TMTC2: variants seen among roughly 807,000 people sequenced by gnomAD.
TMTC2 encodes the protein transmembrane O-mannosyltransferase targeting cadherins 2.
A neutral mutation model predicts 82.4 loss-of-function variants in TMTC2; 43 were observed. The observed-to-expected ratio is 0.52, with a 90% CI of 0.41 to 0.67. The LOEUF (loss-of-function observed/expected upper bound fraction) is 0.67, where lower values mean the gene tolerates loss of function less well. Among genes scored for constraint, TMTC2 ranks in the 30% least tolerant of loss-of-function variants. The pLI, the probability that TMTC2 is intolerant of heterozygous loss-of-function variation, is 0.00. For missense variants in TMTC2, 919 were observed against 1,012.4 expected (o/e 0.91, Z 1.25); for synonymous variants, 408 against 381.9 (o/e 1.07, Z -0.80).
intron 10 of TMTC2, among the ~76,000 whole-genome samples, chr12:83,059,668 A>G (rs1049631139): frequency 6.6e-6 from 1 of 151,808 alleles, no homozygotes; most frequent in Non-Finnish European, 1.5e-5. Context: ...GCACTGAATA[A>G]TACGAAGACT....
intron 11 of TMTC2, among the ~76,000 whole-genome samples, chr12:83,121,548 G>C (rs1368702916): frequency 6.6e-6 from 1 of 152,112 alleles, no homozygotes; most frequent in East Asian, 1.9e-4. Flanking sequence ...ACCTGTTCTG[G>C]TGGAGGTGGC....
intron 11 of TMTC2, among the ~76,000 whole-genome samples, chr12:83,069,767 G>A (rs1883042600): frequency 6.6e-6 from 1 of 151,322 alleles, no homozygotes; most frequent in Admixed American, 6.6e-5. Flanking sequence ...TGAAATCCTT[G>A]CCTAGAAGGG....
At chr12:83,042,454 A>T (rs1390468570) in intron 9 of TMTC2, among the ~76,000 whole-genome samples, 1 of 152,132 alleles carries the variant, frequency 6.6e-6, no homozygotes, top group East Asian at 1.9e-4. Flanking sequence ...AACCCTGAAG[A>T]TAGTTTGAAG....
intron 1 of TMTC2, among the ~76,000 whole-genome samples, chr12:82,751,263 C>T (rs1318653865): frequency 6.6e-6 from 1 of 152,010 alleles, no homozygotes; most frequent in African/African-American, 2.4e-5. Context: ...TGGAAATTAT[C>T]ATTCTCAGTA....
chr12:83,045,752 C>CACACACACACACACACACACACAA (rs3223367), intron 9 of TMTC2, among the ~76,000 whole-genome samples: 2 of 149,220 alleles, frequency 1.3e-5, no homozygotes, highest in Admixed American at 6.7e-5. Flanking sequence ...CACACACACA[C>CACACACACACACACACACACACAA]CAGGAGTGTC....
intron 1 of TMTC2, among the ~76,000 whole-genome samples, chr12:82,732,509 A>AT (rs1485873734): frequency 6.6e-6 from 1 of 151,846 alleles, no homozygotes; most frequent in African/African-American, 2.4e-5. Flanking sequence ...CGCTTGGCTA[A>AT]TTTTTTTGTA....
chr12:82,756,025 A>G (rs1052260381), intron 1 of TMTC2, among the ~76,000 whole-genome samples: 1 of 152,146 alleles, frequency 6.6e-6, no homozygotes, highest in African/African-American at 2.4e-5. Context: ...AAATAAGTTG[A>G]AGGAACATTT....
At chr12:83,121,920 T>C (rs1440639020) in intron 11 of TMTC2, among the ~76,000 whole-genome samples, 2 of 152,154 alleles carry the variant, frequency 1.3e-5, no homozygotes. Flanking sequence ...ATGCAGGTTG[T>C]CAGGGAAGTG....
intron 8 of TMTC2, among the ~76,000 whole-genome samples, chr12:83,003,910 T>A (rs913654012): frequency 1.3e-5 from 2 of 152,264 alleles, no homozygotes; most frequent in East Asian, 3.9e-4. Flanking sequence ...TGTTGACCTC[T>A]CTAGTAAGAT....
intron 1 of TMTC2, among the ~76,000 whole-genome samples, chr12:82,695,585 T>C (rs1872750358): frequency 1.3e-5 from 2 of 152,230 alleles, no homozygotes; most frequent in African/African-American, 4.8e-5. Context: ...GCATGTCTGC[T>C]CAGTTTTCTT....
intron 1 of TMTC2, among the ~76,000 whole-genome samples, chr12:82,719,552 A>G (rs1430440681): frequency 3.3e-5 from 5 of 152,186 alleles, no homozygotes; most frequent in African/African-American, 9.6e-5. Context: ...TGAAAATATC[A>G]TGCAACACAG....
At chr12:82,851,724 A>C (rs936507828) in intron 1 of TMTC2, among the ~76,000 whole-genome samples, 2 of 152,130 alleles carry the variant, frequency 1.3e-5, no homozygotes, top group Admixed American at 1.3e-4. Flanking sequence ...ATTTCAACCT[A>C]CTGTTATTTA....
chr12:82,783,695 A>G (rs1878024455), intron 1 of TMTC2, among the ~76,000 whole-genome samples: 1 of 152,060 alleles, frequency 6.6e-6, no homozygotes, highest in Non-Finnish European at 1.5e-5. Flanking sequence ...TTCATGAAGA[A>G]TTTAGCTTAC....
chr12:82,862,828 C>A lies in TMTC2; in HGVS notation c.654+5248C>A, dbSNP rs78169374. ...ATAGTGTTCAGATCAAAACTAACAA[C>A]CCCATATTTCCAAACCATTTATAGT... On this transcript the variant is annotated intron_variant, in intron 2 of 11. Coordinates refer to ENST00000321196, the MANE Select transcript of TMTC2 (RefSeq NM_152588.3). 6.3e-3 allele frequency among the ~76,000 whole-genome samples: 966 copies of A among 152,264 alleles called. 12 individuals are homozygous for A. Among genetic ancestry groups the A allele is most frequent in the African/African-American group, 0.022 (916 of 41,552 alleles).
chr12:82,750,554 T>A (rs1006553996), intron 1 of TMTC2, among the ~76,000 whole-genome samples: 5 of 152,148 alleles, frequency 3.3e-5, no homozygotes, highest in African/African-American at 4.8e-5. Flanking sequence ...GAGGTTTTTT[T>A]AAAAACCTAA....
chr12:82,984,424 A>G (rs182624830), intron 7 of TMTC2, among the ~76,000 whole-genome samples: 2 of 152,192 alleles, frequency 1.3e-5, no homozygotes, highest in African/African-American at 4.8e-5. Flanking sequence ...AATTCACTTC[A>G]TCAAACATAT....
chr12:83,063,852 A>G (rs1400709501), intron 11 of TMTC2, among the ~76,000 whole-genome samples: 5 of 151,872 alleles, frequency 3.3e-5, no homozygotes, highest in Non-Finnish European at 7.4e-5. Flanking sequence ...AGTGCTTTGG[A>G]GAAAGCTGGA....
intron 3 of TMTC2, among the ~76,000 whole-genome samples, chr12:82,925,452 T>C (rs1875644806): frequency 6.6e-6 from 1 of 152,194 alleles, no homozygotes; most frequent in African/African-American, 2.4e-5. Context: ...GTATTCTAGG[T>C]ATAGCGACAG....
intron 1 of TMTC2, among the ~76,000 whole-genome samples, chr12:82,790,550 C>G (rs559620617): frequency 6.6e-6 from 1 of 151,964 alleles, no homozygotes; most frequent in East Asian, 1.9e-4. Flanking sequence ...TTCTTGTGGC[C>G]GGGCGCGGTG....
Sources: gnomAD v4.1 joint callset for allele counts (sites outside exome capture counted in the v4.1 genomes callset) on GRCh38, gnomAD v4.1.1 for gene constraint, MANE v1.5 for transcripts, NCBI Gene and HGNC (gene_info 2026-07-23, HGNC 2026-07-21) for gene names.